The following GNG7 variants were observed in gnomAD, a reference collection of about 807,000 sequenced individuals.
The protein encoded by GNG7 is G protein subunit gamma 7.
Under a neutral mutation model 4.0 loss-of-function variants are expected in GNG7, and 1 was observed. The observed-to-expected ratio is 0.25, with a 90% CI of 0.09 to 1.18. The LOEUF (loss-of-function observed/expected upper bound fraction) is 1.18, where lower values mean the gene tolerates loss of function less well. GNG7 is among the 50% of genes most tolerant of loss of function. The probability of loss-of-function intolerance (pLI) is 0.50; values close to 1 mark genes in which losing one functional copy is unlikely to be tolerated. For missense variants in GNG7, 86 were observed against 91.9 expected (o/e 0.94, Z 0.26); for synonymous variants, 34 against 36.9 (o/e 0.92, Z 0.29).
At chr19:2,520,544 G>A in intron 4 of GNG7, 64 bp downstream of exon 4, 1 of 858,654 alleles carries the variant, frequency 1.2e-6, no homozygotes, top group South Asian at 1.4e-5. Context: ...CGAGCCTCCT[G>A]TTCATCATTT....
rs1972715181 is a variant in GNG7, at chr19:2,515,114, A to G, written c.115T>C (p.Cys39Arg). ...SKAASDLMSY[C>R]EQHARNDPLL... ...GGGTCGTTCCGGGCATGTTGCTCAC[A>G]GTAGCTCATGAGGTCAGACGCCGCT... The change falls in exon 5 of 5, where the codon TGT becomes CGT. Residue 39 changes from cysteine (C) to arginine (R), a missense_variant. Physicochemically the swap from Cys to Arg is radical, Grantham distance 180. Transcript: ENST00000382159. 2 of 1,614,020 alleles carry G rather than the reference A, an allele frequency of 1.2e-6. No individual in the cohort carries two copies. The highest frequency in any genetic ancestry group is 8.5e-7 in the Non-Finnish European group (1 of 1,179,946).
At chr19:2,551,589 G>GTATTTATAAATATAT in intron 3 of GNG7, among the ~76,000 whole-genome samples, 1 of 145,752 alleles carries the variant, frequency 6.9e-6, no homozygotes, top group East Asian at 2.0e-4. Context: ...ATATAAATAT[G>GTATTTATAAATATAT]CATTTATAAA....
chr19:2,536,218 C>G (rs1214877972), intron 3 of GNG7, among the ~76,000 whole-genome samples: 1 of 151,986 alleles, frequency 6.6e-6, no homozygotes, highest in East Asian at 1.9e-4. Flanking sequence ...GAGTTTGAGA[C>G]CAGCCTGGCC....
intron 1 of GNG7, among the ~76,000 whole-genome samples, chr19:2,690,589 C>T (rs916800761): frequency 7.9e-5 from 12 of 151,816 alleles, no homozygotes; most frequent in Admixed American, 4.6e-4. Flanking sequence ...CCTGTTGGCT[C>T]AGGTCTTTTT....
At chr19:2,587,819 C>T (rs1226370546) in intron 2 of GNG7, among the ~76,000 whole-genome samples, 4 of 145,622 alleles carry the variant, frequency 2.7e-5, no homozygotes, top group Non-Finnish European at 4.5e-5. Flanking sequence ...CCAGCCTGGG[C>T]GACACAGCAA....
intron 2 of GNG7, among the ~76,000 whole-genome samples, chr19:2,555,789 G>T (rs935198383): frequency 6.6e-6 from 1 of 152,070 alleles, no homozygotes; most frequent in Non-Finnish European, 1.5e-5. Context: ...TCCGGGGGTC[G>T]GGGCGGTTGG....
Position 2,551,656 on chromosome 19 carries a change from TA to T in GNG7, c.-38+3492del, listed in dbSNP as rs1000201049. 1.5e-3 allele frequency among the ~76,000 whole-genome samples: 197 copies of T among 131,878 alleles called. 1 individual carries two copies. The highest frequency in any genetic ancestry group is 5.5e-3 in the African/African-American group (186 of 33,626). The allele number at this position is 131,878 out of a possible 152,430, so 86.5% of individuals were successfully genotyped here. A position where few individuals can be genotyped will look rare whatever the true frequency, so the allele number is the denominator to read the frequency against. ...AAAAACACATATACATATTTATAAA[TA>T]AAATATATATTTAAAAAATATATAT... is the stretch of plus-strand genomic sequence containing the variant. On this transcript the variant is annotated intron_variant, in intron 3 of 4. Coordinates refer to ENST00000382159, the MANE Select transcript of GNG7 (RefSeq NM_052847.3).
intron 1 of GNG7, among the ~76,000 whole-genome samples, chr19:2,665,553 C>T (rs1227145561): frequency 6.6e-6 from 1 of 152,140 alleles, no homozygotes; most frequent in East Asian, 1.9e-4. Flanking sequence ...CCACTGAGTC[C>T]CGAGGAAGGA....
intron 2 of GNG7, among the ~76,000 whole-genome samples, chr19:2,604,213 G>A (rs186607496): frequency 1.5e-3 from 222 of 151,970 alleles, no homozygotes; most frequent in Non-Finnish European, 2.7e-3. Context: ...TAATATGCCC[G>A]TCTCCCAGCA....
At chr19:2,602,885 T>TTCTTTTTC (rs1555697030) in intron 2 of GNG7, among the ~76,000 whole-genome samples, 6 of 148,434 alleles carry the variant, frequency 4.0e-5, no homozygotes, top group African/African-American at 1.3e-4. Context: ...CTCTTTCTCT[T>TTCTTTTTC]TCTTTTTCTC....
Position 2,611,262 on chromosome 19 carries a change from T to A in GNG7, c.-78+34962A>T, listed in dbSNP as rs1981554637. 6.6e-6 allele frequency: 1 copy of A among 152,230 alleles called. No individual in the cohort carries two copies. The highest frequency in any genetic ancestry group is 2.4e-5 in the African/African-American group (1 of 41,440). The allele number at this position is 152,230 out of a possible 1,614,324, so 9.4% of individuals were successfully genotyped here. The stretch of plus-strand genomic sequence containing the variant: ...CGCGAATGTCTACACGCAGACTGAC[T>A]TCAGGGGCGAGGAATTCCGCCTGGC... On this transcript the variant is annotated intron_variant, in intron 2 of 4. Coordinates refer to ENST00000382159, the MANE Select transcript of GNG7 (RefSeq NM_052847.3). The surrounding 1 kb of genome is among the most constrained non-coding windows in gnomAD (Gnocchi z 6.0).
At chr19:2,565,559 C>T (rs545698165) in intron 2 of GNG7, among the ~76,000 whole-genome samples, 2 of 151,586 alleles carry the variant, frequency 1.3e-5, no homozygotes, top group South Asian at 2.1e-4. Flanking sequence ...AAGGAAGGGT[C>T]GGTTAGTTCC....
rs35982775 is a variant in GNG7, at chr19:2,618,342, G to GGTGT, written c.-78+27878_-78+27881dup. The stretch of plus-strand genomic sequence containing the variant: ...TTCTCTTTTCTACCTGTATGTGTGT[G>GGTGT]GTGTGTGTGTGTGTGTGTGTGTGTG... On this transcript the variant is annotated intron_variant, in intron 2 of 4. Coordinates refer to ENST00000382159, the MANE Select transcript of GNG7 (RefSeq NM_052847.3). The surrounding 1 kb of genome is among the most constrained non-coding windows in gnomAD (Gnocchi z 5.1). 0.02 allele frequency among the ~76,000 whole-genome samples: 2,875 copies of GGTGT among 146,480 alleles called. 36 individuals are homozygous for GGTGT. Among genetic ancestry groups the GGTGT allele is most frequent in the African/African-American group, 0.026 (1,031 of 39,948 alleles).
At position 2,557,115 on chromosome 19, in the gene GNG7, A is replaced by C. The variant is rs10421571; in HGVS notation, c.-77-1927T>G. 0.5 allele frequency among the ~76,000 whole-genome samples: 75,653 copies of C among 151,250 alleles called. 19,050 individuals carry two copies. Among genetic ancestry groups the C allele is most frequent in the Admixed American group, 0.58 (8,775 of 15,208 alleles). On this transcript the variant is annotated intron_variant, in intron 2 of 4. Coordinates refer to ENST00000382159, the MANE Select transcript of GNG7 (RefSeq NM_052847.3). The surrounding 1 kb of genome is among the most constrained non-coding windows in gnomAD (Gnocchi z 5.1). ...CACAGGAATACTCAGACACACGCAC[A>C]CACGTACACACGTGTACTGCACACT...
chr19:2,612,640 A>T (rs1225309457), intron 2 of GNG7, among the ~76,000 whole-genome samples: 1 of 149,912 alleles, frequency 6.7e-6, no homozygotes, highest in Non-Finnish European at 1.5e-5. Flanking sequence ...TCCAGCCTGG[A>T]TTCTGTTTGT....
At chr19:2,538,972 C>T (rs999026651) in intron 3 of GNG7, among the ~76,000 whole-genome samples, 7 of 151,890 alleles carry the variant, frequency 4.6e-5, no homozygotes, top group East Asian at 1.9e-4. Flanking sequence ...AGGGTTTCAC[C>T]GTGTTAGCCA....
At chr19:2,603,293 C>A (rs796427313) in intron 2 of GNG7, among the ~76,000 whole-genome samples, 1 of 152,162 alleles carries the variant, frequency 6.6e-6, no homozygotes. Context: ...TCTCGATCTC[C>A]TGACCTCGTG....
chr19:2,519,495 T>C (rs1463830255), intron 4 of GNG7, among the ~76,000 whole-genome samples: 1 of 151,920 alleles, frequency 6.6e-6, no homozygotes, highest in Admixed American at 6.6e-5. Context: ...GCTATGTTGT[T>C]GCCCAGGCTG....
At chr19:2,622,587 G>C (rs566505491) in intron 2 of GNG7, among the ~76,000 whole-genome samples, 1 of 147,436 alleles carries the variant, frequency 6.8e-6, no homozygotes, top group Non-Finnish European at 1.5e-5. Context: ...ACGCGGCAGA[G>C]AGGGGGGCTT....
Sources: allele counts gnomAD v4.1 joint callset (sites outside exome capture counted in the v4.1 genomes callset), GRCh38; gene constraint gnomAD v4.1.1; non-coding constraint Gnocchi (gnomAD v3.1); transcripts MANE v1.5; gene names NCBI Gene and HGNC (gene_info 2026-07-23, HGNC 2026-07-21).